Variants in SUCO observed in about 807,000 individuals in gnomAD.
SUCO encodes SUN domain-containing ossification factor.
A neutral mutation model predicts 148.1 loss-of-function variants in SUCO; 57 were observed. That is an observed-to-expected ratio of 0.38 (90% confidence interval 0.31 to 0.48). SUCO has a LOEUF of 0.48. Among genes scored for constraint, SUCO ranks in the 20% least tolerant of loss-of-function variants. SUCO has a pLI of 0.96. For missense variants in SUCO, 1,331 were observed against 1,468.2 expected (o/e 0.91, Z 1.53); for synonymous variants, 470 against 502.7 (o/e 0.93, Z 0.87).
chr1:172,589,244 A>G lies in SUCO; in HGVS notation c.2143A>G (p.Thr715Ala). 6.2e-7 allele frequency: 1 copy of G among 1,613,934 alleles called. No homozygotes were observed. Among genetic ancestry groups the G allele is most frequent in the South Asian group, 1.1e-5 (1 of 91,078 alleles). Reference protein sequence around the residue: ...SMHQDDLVNHTVDAVELEPSH... With the variant: ...SMHQDDLVNHAVDAVELEPSH... ...GCACCAGGATGACTTGGTGAATCAC[A>G]CTGTAGATGCAGTTGAACTTGAACC... is the stretch of plus-strand genomic sequence containing the variant. Residue 715 changes from threonine (T) to alanine (A), a missense_variant, in exon 18 of 24, where the codon ACT becomes GCT. Physicochemically the swap from Thr to Ala is moderately conservative, Grantham distance 58. This residue lies in a region of SUCO where 992 missense variants were observed against 1,093.5 expected (regional missense o/e 0.91). Coordinates refer to ENST00000263688, the MANE Select transcript of SUCO (RefSeq NM_014283.5).
At chr1:172,555,742 T>A (rs1196163717) in intron 3 of SUCO, 127 bp from the exon 4 acceptor site, 4 of 755,306 alleles carry the variant, frequency 5.3e-6, no homozygotes, top group Non-Finnish European at 5.8e-6. Flanking sequence ...TTTATAAAAG[T>A]ACTTTTTTTA....
chr1:172,536,130 G>A (rs1651995503), intron 1 of SUCO, among the ~76,000 whole-genome samples: 2 of 152,128 alleles, frequency 1.3e-5, no homozygotes. Flanking sequence ...CTATAAGATA[G>A]GTATTATTAT....
intron 1 of SUCO, among the ~76,000 whole-genome samples, chr1:172,534,666 A>G (rs765248749): frequency 5.3e-5 from 8 of 152,206 alleles, no homozygotes; most frequent in Non-Finnish European, 8.8e-5. Flanking sequence ...TCCTGTTTTT[A>G]ATAAAATCCT....
At chr1:172,546,560 C>T (rs150335111) in intron 1 of SUCO, among the ~76,000 whole-genome samples, 4 of 152,236 alleles carry the variant, frequency 2.6e-5, no homozygotes, top group African/African-American at 9.6e-5. Context: ...CAAAAAAATC[C>T]AAGTTTTAAC....
At chr1:172,597,602 T>C (rs1055054790) in intron 19 of SUCO, among the ~76,000 whole-genome samples, 6 of 140,310 alleles carry the variant, frequency 4.3e-5, no homozygotes, top group African/African-American at 2.0e-4. Flanking sequence ...TCGTCATACC[T>C]TTTTTTTCCC....
At chr1:172,568,415 G>T in intron 6 of SUCO, 3 of 978,302 alleles carry the variant, frequency 3.1e-6, no homozygotes, top group Non-Finnish European at 3.6e-6. Flanking sequence ...TGACTTATTC[G>T]TCCATGTCAT....
At position 172,609,828 on chromosome 1, in the gene SUCO, A is replaced by C; in HGVS notation, c.3334A>C (p.Lys1112Gln). 1.3e-6 allele frequency: 2 copies of C among 1,595,216 alleles called. No homozygotes were observed. Among genetic ancestry groups the C allele is most frequent in the Non-Finnish European group, 8.5e-7 (1 of 1,174,468 alleles). ...ACTTGTGTTGTAGAAGAAGCGCTGCAAGTACAAAATTGAAAAAATTGAGAC... is the reference window on the plus strand; with the variant it reads ...ACTTGTGTTGTAGAAGAAGCGCTGCCAGTACAAAATTGAAAAAATTGAGAC... ...FSPEKKKKRC[K>Q]YKIEKIETIK... is the part of the protein sequence containing the mutation. Residue 1112 changes from lysine (K) to glutamine (Q), a missense_variant, in exon 24 of 24, where the codon AAG becomes CAG. Coordinates refer to ENST00000263688, the MANE Select transcript of SUCO (RefSeq NM_014283.5).
At chr1:172,559,175 T>C (rs771849074) in intron 6 of SUCO, among the ~76,000 whole-genome samples, 2 of 152,206 alleles carry the variant, frequency 1.3e-5, no homozygotes, top group African/African-American at 2.4e-5. Context: ...GCCGTACTTA[T>C]ACAGAGAATG....
chr1:172,596,102 T>A (rs1657076218), intron 19 of SUCO, among the ~76,000 whole-genome samples: 1 of 152,230 alleles, frequency 6.6e-6, no homozygotes, highest in East Asian at 1.9e-4. Flanking sequence ...AGTCACGTAG[T>A]TCTCGTGCCA....
chr1:172,556,296 G>A (rs1403982117), intron 4 of SUCO, among the ~76,000 whole-genome samples: 1 of 152,130 alleles, frequency 6.6e-6, no homozygotes, highest in Non-Finnish European at 1.5e-5. Flanking sequence ...GCAAAGTAAG[G>A]TTCTACTTAG....
chr1:172,586,895 C>T (rs1328154483), intron 17 of SUCO, among the ~76,000 whole-genome samples: 1 of 151,980 alleles, frequency 6.6e-6, no homozygotes, highest in South Asian at 2.1e-4. Context: ...GAAAATATAG[C>T]GTATGTGTTA....
chr1:172,536,600 A>G lies in SUCO; in HGVS notation c.62+3103A>G, dbSNP rs181199202. ...TTTAACACTGGAAGTCGCATAACCTAGGAATTCCCTGCATTAGTTTCTTAT... is the reference window on the plus strand; with the variant it reads ...TTTAACACTGGAAGTCGCATAACCTGGGAATTCCCTGCATTAGTTTCTTAT... On this transcript the variant is annotated intron_variant, in intron 1 of 23. Transcript: ENST00000263688. 3.3e-3 allele frequency among the ~76,000 whole-genome samples: 504 copies of G among 152,330 alleles called. 8 individuals are homozygous for G. The highest frequency in any genetic ancestry group is 0.03 in the Admixed American group (454 of 15,300).
chr1:172,554,519 CT>C (rs1423531989), intron 3 of SUCO, among the ~76,000 whole-genome samples: 2 of 152,088 alleles, frequency 1.3e-5, no homozygotes, highest in Non-Finnish European at 1.5e-5. Context: ...AGTGGATCAC[CT>C]GAGGTCAGGA....
In SUCO at chr1:172,570,674, T is replaced by TG; in HGVS notation, c.993_994insG (p.Ile332AspfsTer17). 2.5e-6 allele frequency: 4 copies of TG among 1,599,428 alleles called. No homozygotes were observed. The highest frequency in any genetic ancestry group is 3.4e-6 in the Non-Finnish European group (4 of 1,167,562). ...TCTTTTTAAAATAGAGCACATCTGC[T>TG]ATTCTTATAGAAAATATGGATCTTT... On this transcript the variant is annotated frameshift_variant, in exon 9 of 24. Transcript: ENST00000263688. LOFTEE classifies it high-confidence loss of function.
intron 2 of SUCO, 139 bp from the exon 3 acceptor site, chr1:172,553,121 A>G: frequency 1.1e-6 from 1 of 926,450 alleles, no homozygotes; most frequent in Non-Finnish European, 1.5e-6. Context: ...AATCTTGTAT[A>G]CAAATGAAAT....
chr1:172,590,041 G>A (rs1405749962), intron 18 of SUCO, 115 bp downstream of exon 18: 3 of 835,284 alleles, frequency 3.6e-6, no homozygotes, highest in Non-Finnish European at 5.0e-6. Flanking sequence ...ATAGAGGTAA[G>A]CGCAATTTTA....
At chr1:172,573,076 G>A (rs1264485243) in intron 9 of SUCO, among the ~76,000 whole-genome samples, 1 of 152,018 alleles carries the variant, frequency 6.6e-6, no homozygotes, top group African/African-American at 2.4e-5. Flanking sequence ...ACAATAAATT[G>A]CATGTATAAT....
At chr1:172,533,131 C>G, upstream of SUCO, 1 of 1,440,346 alleles carries the variant, frequency 6.9e-7, no homozygotes, top group Non-Finnish European at 9.1e-7. Flanking sequence ...GAGCAAGGCC[C>G]CCGGCGGGCG....
intron 3 of SUCO, among the ~76,000 whole-genome samples, chr1:172,555,608 C>T (rs1653683886): frequency 6.6e-6 from 1 of 151,990 alleles, no homozygotes; most frequent in Admixed American, 6.6e-5. Flanking sequence ...GGTCCTGATG[C>T]AAAGTAGGAA....
Sources: gnomAD v4.1 joint callset for allele counts (sites outside exome capture counted in the v4.1 genomes callset) on GRCh38, gnomAD v4.1.1 for gene constraint, gnomAD v4.1.1 regional missense constraint, MANE v1.5 for transcripts, NCBI Gene and HGNC (gene_info 2026-07-23, HGNC 2026-07-21) for gene names.